ST8SIA6: variants seen among roughly 807,000 people sequenced by gnomAD.
ST8SIA6 encodes the protein alpha-2,8-sialyltransferase 8F.
In ST8SIA6, 39 loss-of-function variants were observed where a neutral mutation model predicts 33.6. The ratio of observed to expected loss-of-function variants is 1.16; its 90% CI spans 0.90 to 1.52. ST8SIA6 has a LOEUF of 1.52. Among genes scored for constraint, ST8SIA6 ranks in the 40% most tolerant of loss-of-function variants. The pLI is 0.00. For synonymous variants in ST8SIA6, 172 were observed against 167.2 expected, an observed-to-expected ratio of 1.03 and a Z score of -0.22; for missense variants, 441 against 443.8, an observed-to-expected ratio of 0.99 and a Z score of 0.06.
chr10:17,352,134 C>T (rs1849052900), intron 4 of ST8SIA6, among the ~76,000 whole-genome samples: 2 of 151,910 alleles, frequency 1.3e-5, no homozygotes, highest in Admixed American at 1.3e-4. Flanking sequence ...TATCTAAACA[C>T]CATATTTTAT....
At chr10:17,393,930 CCTT>C (rs1056859219) in intron 2 of ST8SIA6, among the ~76,000 whole-genome samples, 1 of 152,196 alleles carries the variant, frequency 6.6e-6, no homozygotes, top group South Asian at 2.1e-4. Flanking sequence ...CCACGCATCA[CCTT>C]CTGTGCTTTC....
chr10:17,351,792 G>A (rs1472064326), intron 4 of ST8SIA6, among the ~76,000 whole-genome samples: 12 of 152,078 alleles, frequency 7.9e-5, no homozygotes, highest in Admixed American at 7.9e-4. Context: ...AGTGAACTAA[G>A]CTAGGCACAG....
Position 17,387,550 on chromosome 10 carries a change from AG to A in ST8SIA6, c.290+2980del, listed in dbSNP as rs1850426435. On this transcript the variant is annotated intron_variant, in intron 3 of 7. Coordinates refer to ENST00000377602, the MANE Select transcript of ST8SIA6 (RefSeq NM_001004470.3). ...CCAAAGTGCTAGGATTACAGGTGTG[AG>A]CCACCGCGCCGGGCCCAGAAAACTA... Among the ~76,000 whole-genome samples the A allele has an allele frequency of 2.0e-5, 3 of 151,378 alleles. No homozygotes were observed. The South Asian group carries it at 6.2e-4, about 31-fold the overall frequency.
At chr10:17,340,647 A>G (rs1484646302) in intron 4 of ST8SIA6, among the ~76,000 whole-genome samples, 2 of 152,154 alleles carry the variant, frequency 1.3e-5, no homozygotes, top group Non-Finnish European at 2.9e-5. Flanking sequence ...GAGAAAATTT[A>G]TGTTTGAGTG....
At chr10:17,374,237 T>C (rs904298859) in intron 3 of ST8SIA6, among the ~76,000 whole-genome samples, 3 of 152,014 alleles carry the variant, frequency 2.0e-5, no homozygotes, top group African/African-American at 4.8e-5. Context: ...ATGCTCATAA[T>C]TGAAACAAAC....
At chr10:17,346,037 G>A (rs1013517214) in intron 4 of ST8SIA6, among the ~76,000 whole-genome samples, 1 of 152,190 alleles carries the variant, frequency 6.6e-6, no homozygotes, top group Non-Finnish European at 1.5e-5. Context: ...AAAGTGTTGT[G>A]GCTTCTGCCT....
intron 4 of ST8SIA6, among the ~76,000 whole-genome samples, chr10:17,352,708 C>G (rs1473563739): frequency 6.6e-6 from 1 of 152,040 alleles, no homozygotes; most frequent in African/African-American, 2.4e-5. Flanking sequence ...ATTCTGAAGA[C>G]CAAGGAGAGG....
At chr10:17,435,646 G>T (rs1852228501) in intron 2 of ST8SIA6, among the ~76,000 whole-genome samples, 1 of 124,300 alleles carries the variant, frequency 8.0e-6, no homozygotes, top group Non-Finnish European at 1.6e-5. Context: ...CCATTTGGGT[G>T]ACTATTCTCT....
chr10:17,379,445 T>C (rs1009672209), intron 3 of ST8SIA6, among the ~76,000 whole-genome samples: 1 of 152,186 alleles, frequency 6.6e-6, no homozygotes, highest in African/African-American at 2.4e-5. Context: ...GAAAATATCT[T>C]GGGCCCCCAA....
intron 3 of ST8SIA6, among the ~76,000 whole-genome samples, chr10:17,365,909 A>T (rs755952787): frequency 6.6e-6 from 1 of 152,180 alleles, no homozygotes; most frequent in Non-Finnish European, 1.5e-5. Flanking sequence ...ATATTAAGTC[A>T]GTAGTTTTCT....
chr10:17,339,006 G>A (rs1183536722), intron 4 of ST8SIA6, among the ~76,000 whole-genome samples: 1 of 152,126 alleles, frequency 6.6e-6, no homozygotes, highest in Non-Finnish European at 1.5e-5. Context: ...GGATCTATAA[G>A]GATGAAATCG....
At chr10:17,350,424 CAG>C (rs2131607589) in intron 4 of ST8SIA6, among the ~76,000 whole-genome samples, 1 of 152,238 alleles carries the variant, frequency 6.6e-6, no homozygotes, top group Admixed American at 6.5e-5. Flanking sequence ...ATTAAGAAAA[CAG>C]TGATCTAGCC....
chr10:17,365,322 GC>G (rs1849524096), intron 3 of ST8SIA6, among the ~76,000 whole-genome samples: 1 of 152,130 alleles, frequency 6.6e-6, no homozygotes, highest in South Asian at 2.1e-4. Flanking sequence ...TATAAATAGG[GC>G]TTTTCAAGCA....
chr10:17,327,050 CAGAG>C lies in ST8SIA6; in HGVS notation c.595_598del (p.Leu199ValfsTer5). ...GTCGGATTTATCTATTTCAGTTCCA[CAGAG>C]AGACTTATTCAGAATTCCCCCATTT... On this transcript the variant is annotated frameshift_variant, in exon 6 of 8. Transcript: ENST00000377602. LOFTEE classifies it high-confidence loss of function. The C allele has an allele frequency of 1.2e-6, 2 of 1,608,918 alleles. No homozygotes were observed. The highest frequency in any genetic ancestry group is 1.7e-6 in the Non-Finnish European group (2 of 1,177,950).
intron 2 of ST8SIA6, among the ~76,000 whole-genome samples, chr10:17,396,582 CCT>C (rs1314402897): frequency 6.6e-6 from 1 of 152,068 alleles, no homozygotes; most frequent in African/African-American, 2.4e-5. Flanking sequence ...AAATGCCTCC[CCT>C]CTCACAAAAG....
Position 17,454,190 on chromosome 10 carries a change from C to T in ST8SIA6, c.66G>A (p.Leu22=). The T allele has an allele frequency of 3.5e-6, 1 of 284,526 alleles. No individual in the cohort carries two copies. Among genetic ancestry groups the T allele is most frequent in the South Asian group, 1.3e-4 (1 of 7,834 alleles). The allele number at this position is 284,526 out of a possible 1,614,324, so 17.6% of individuals were successfully genotyped here. The change falls in exon 1 of 8, where the codon CTG becomes CTA. Residue 22 remains leucine, a synonymous_variant. Transcript: ENST00000377602. This position sits in a 1 kb window ranked among gnomAD's most constrained non-coding sequence, Gnocchi z 4.1. ...ASLLLLLLLR[L]LWCPADAPGR... Reference sequence around the variant, plus strand: ...CGGGCGCGTCTGCCGGGCACCAGAGCAGGCGCAGCAGCAGCAGCAGCAGCA... The same window carrying T: ...CGGGCGCGTCTGCCGGGCACCAGAGTAGGCGCAGCAGCAGCAGCAGCAGCA...
intron 4 of ST8SIA6, among the ~76,000 whole-genome samples, chr10:17,333,717 ATTTT>A (rs71392102): frequency 1.3e-3 from 44 of 33,742 alleles, no homozygotes; most frequent in Non-Finnish European, 1.3e-3. Context: ...ATATATATAT[ATTTT>A]TTTTTTTTTT....
At chr10:17,429,556 A>G (rs576490210) in intron 2 of ST8SIA6, among the ~76,000 whole-genome samples, 30 of 151,664 alleles carry the variant, frequency 2.0e-4, no homozygotes, top group African/African-American at 6.5e-4. Context: ...TGCCCATGAA[A>G]TCTTCAACTC....
chr10:17,403,295 G>A (rs997463396), intron 2 of ST8SIA6, among the ~76,000 whole-genome samples: 4 of 152,150 alleles, frequency 2.6e-5, no homozygotes, highest in Non-Finnish European at 5.9e-5. Flanking sequence ...ATTAGGAAAT[G>A]GTGTCTTTAG....
Sources: gnomAD v4.1 joint callset for allele counts (sites outside exome capture counted in the v4.1 genomes callset) on GRCh38, gnomAD v4.1.1 for gene constraint, Gnocchi (gnomAD v3.1) non-coding constraint, MANE v1.5 for transcripts, NCBI Gene and HGNC (gene_info 2026-07-23, HGNC 2026-07-21) for gene names.